Variants in RCAN2 observed in about 807,000 individuals in gnomAD.
RCAN2 encodes regulator of calcineurin 2.
Under a neutral mutation model 23.6 loss-of-function variants are expected in RCAN2, and 9 were observed. The observed-to-expected ratio is 0.38, with a 90% CI of 0.23 to 0.67. The LOEUF (loss-of-function observed/expected upper bound fraction) is 0.67. Among genes scored for constraint, RCAN2 ranks in the 30% least tolerant of loss-of-function variants. The probability of loss-of-function intolerance (pLI) is 0.51; values close to 1 mark genes in which losing one functional copy is unlikely to be tolerated. For synonymous variants in RCAN2, 109 were observed against 115.7 expected, an observed-to-expected ratio of 0.94 and a Z score of 0.37; for missense variants, 273 against 302.3, an observed-to-expected ratio of 0.90 and a Z score of 0.72.
At chr6:46,304,939 TGTATTGGAACAA>T (rs1763017245) in intron 2 of RCAN2, among the ~76,000 whole-genome samples, 1 of 152,150 alleles carries the variant, frequency 6.6e-6, no homozygotes, top group South Asian at 2.1e-4. Flanking sequence ...ATCTTATGCC[TGTATTGGAACAA>T]GGTAGACTCA....
chr6:46,271,781 G>A (rs1423500981), intron 2 of RCAN2, among the ~76,000 whole-genome samples: 3 of 152,124 alleles, frequency 2.0e-5, no homozygotes, highest in Non-Finnish European at 4.4e-5. Context: ...TAATGTTCAC[G>A]ATTATTCTGG....
At chr6:46,377,501 G>A (rs144238181) in intron 2 of RCAN2, among the ~76,000 whole-genome samples, 19 of 152,282 alleles carry the variant, frequency 1.2e-4, no homozygotes, top group South Asian at 6.2e-4. Flanking sequence ...GGTGTACAGC[G>A]TTATTTATCA....
At position 46,262,949 on chromosome 6, in the gene RCAN2, A is replaced by G. The variant is rs191716719; in HGVS notation, c.226-14053T>C. On this transcript the variant is annotated intron_variant, in intron 2 of 4. Transcript: ENST00000371374. Reference sequence around the variant, plus strand: ...ATCCAAGAAATCTGTCCTGAATCCCATTAAGGTTTAGACATCCTTCTGCTG... The same window carrying G: ...ATCCAAGAAATCTGTCCTGAATCCCGTTAAGGTTTAGACATCCTTCTGCTG... Among the ~76,000 whole-genome samples, 8 of 152,268 alleles carry G rather than the reference A, an allele frequency of 5.3e-5. No individual in the cohort carries two copies. The East Asian group carries it at 1.4e-3, about 26-fold the overall frequency.
At chr6:46,435,606 G>A (rs1353407578) in intron 2 of RCAN2, among the ~76,000 whole-genome samples, 2 of 152,164 alleles carry the variant, frequency 1.3e-5, no homozygotes, top group Non-Finnish European at 2.9e-5. Flanking sequence ...TGAAGCACCC[G>A]CAGAGGAATG....
At chr6:46,447,486 A>C (rs1767750063) in intron 2 of RCAN2, among the ~76,000 whole-genome samples, 1 of 151,958 alleles carries the variant, frequency 6.6e-6, no homozygotes, top group Non-Finnish European at 1.5e-5. Flanking sequence ...TGCACATTAG[A>C]CCAAATAAAC....
chr6:46,283,266 T>C (rs1178750370), intron 2 of RCAN2, among the ~76,000 whole-genome samples: 1 of 152,020 alleles, frequency 6.6e-6, no homozygotes. Flanking sequence ...TTGAGCAACA[T>C]AGCAAGACCC....
chr6:46,326,904 CTAAAGG>C (rs961310506), intron 2 of RCAN2, among the ~76,000 whole-genome samples: 65 of 152,306 alleles, frequency 4.3e-4, no homozygotes, highest in African/African-American at 1.4e-3. Context: ...ATTTTCTATG[CTAAAGG>C]TAATCAGGCC....
chr6:46,255,635 C>T (rs996449500), intron 2 of RCAN2, among the ~76,000 whole-genome samples: 11 of 151,864 alleles, frequency 7.2e-5, no homozygotes, highest in South Asian at 2.1e-4. Context: ...TAAAGAATAG[C>T]GAGGTAAGAG....
rs769883820 is a variant in RCAN2 at position 46,221,618 on chromosome 6, G to A, written c.*1523C>T. The A allele has an allele frequency of 9.1e-5, 25 of 274,822 alleles. No individual in the cohort carries two copies. Among genetic ancestry groups the A allele is most frequent in the South Asian group, 3.4e-4 (2 of 5,962 alleles). The allele number at this position is 274,822 out of a possible 1,614,324, so 17.0% of individuals were successfully genotyped here. ...CACAGTAAAACGGACTTTAATTTCT[G>A]AGTGATCAGTCTATGTTTTAAGTTT... is the stretch of plus-strand genomic sequence containing the variant. On this transcript the variant is annotated 3_prime_UTR_variant, in exon 5 of 5. Coordinates refer to ENST00000371374, the MANE Select transcript of RCAN2 (RefSeq NM_001251974.2).
At chr6:46,335,906 T>C (rs1764125250) in intron 2 of RCAN2, among the ~76,000 whole-genome samples, 1 of 152,214 alleles carries the variant, frequency 6.6e-6, no homozygotes, top group South Asian at 2.1e-4. Flanking sequence ...TCTGTAAACA[T>C]TCATAGGAGT....
intron 1 of RCAN2, among the ~76,000 whole-genome samples, 139 bp downstream of exon 1, chr6:46,491,016 ACCGCCCCCGCCCCCGCCC>A (rs1280186467): frequency 4.6e-5 from 6 of 130,048 alleles, no homozygotes; most frequent in Admixed American, 1.5e-4. Context: ...CACCCCCGCC[ACCGCCCCCGCCCCCGCCC>A]CCGCCCCCGC....
At chr6:46,276,803 G>A (rs1409381673) in intron 2 of RCAN2, among the ~76,000 whole-genome samples, 1 of 152,216 alleles carries the variant, frequency 6.6e-6, no homozygotes, top group Non-Finnish European at 1.5e-5. Context: ...ATCAGCTACA[G>A]TTTATTTCCT....
chr6:46,392,410 T>C (rs1487376858), intron 2 of RCAN2, among the ~76,000 whole-genome samples: 3 of 152,228 alleles, frequency 2.0e-5, no homozygotes, highest in Admixed American at 2.0e-4. Flanking sequence ...TAAATATTTC[T>C]TGGATGTCTG....
chr6:46,414,583 T>C (rs1479747869), intron 2 of RCAN2, among the ~76,000 whole-genome samples: 1 of 152,186 alleles, frequency 6.6e-6, no homozygotes, highest in Non-Finnish European at 1.5e-5. Context: ...GTGAAGCATA[T>C]TACCCTCCAT....
chr6:46,397,668 TA>T (rs914355677), intron 2 of RCAN2, among the ~76,000 whole-genome samples: 4 of 152,112 alleles, frequency 2.6e-5, no homozygotes, highest in Admixed American at 6.6e-5. Context: ...CCTTTACATG[TA>T]AAAAAATAAA....
chr6:46,253,837 C>A (rs1047832139), intron 2 of RCAN2, among the ~76,000 whole-genome samples: 3 of 152,056 alleles, frequency 2.0e-5, no homozygotes, highest in African/African-American at 7.2e-5. Flanking sequence ...TTGAGATATA[C>A]AAATACTTAT....
intron 4 of RCAN2, among the ~76,000 whole-genome samples, chr6:46,232,701 G>A (rs963538852): frequency 4.1e-5 from 6 of 146,646 alleles, no homozygotes; most frequent in Non-Finnish European, 8.9e-5. Flanking sequence ...GCTGAGGCAT[G>A]AGAATCACTT....
chr6:46,428,341 C>T (rs1767091178), intron 2 of RCAN2, among the ~76,000 whole-genome samples: 1 of 152,152 alleles, frequency 6.6e-6, no homozygotes, highest in African/African-American at 2.4e-5. Context: ...GCAGCGTCAC[C>T]TTGTAGTATT....
chr6:46,325,373 A>C, intron 2 of RCAN2: 1 of 1,612,982 alleles, frequency 6.2e-7, no homozygotes, highest in Non-Finnish European at 8.5e-7. Context: ...ACAATGAAAA[A>C]TAAGATTGCA....
Sources: gnomAD v4.1 joint callset for allele counts (sites outside exome capture counted in the v4.1 genomes callset) on GRCh38, gnomAD v4.1.1 for gene constraint, MANE v1.5 for transcripts, NCBI Gene and HGNC (gene_info 2026-07-23, HGNC 2026-07-21) for gene names.